CAPN6: variants seen among roughly 807,000 people sequenced by gnomAD.
The protein encoded by CAPN6 is calpain-6.
In CAPN6, 16 loss-of-function variants were observed where a neutral mutation model predicts 46.0. That is an observed-to-expected ratio of 0.35 (90% CI 0.24 to 0.53). CAPN6 has a LOEUF of 0.53. Among genes scored for constraint, CAPN6 ranks in the 20% least tolerant of loss-of-function variants. CAPN6 has a pLI of 0.94. For missense variants in CAPN6, 461 were observed against 498.0 expected, an observed-to-expected ratio of 0.93 and a Z score of 0.71; for synonymous variants, 206 against 172.8, an observed-to-expected ratio of 1.19 and a Z score of -1.51.
At chrX:111,270,261 C>T in intron 1 of CAPN6, 110 bp downstream of exon 1, 1 of 226,514 alleles carries the variant, frequency 4.4e-6, no homozygotes, top group Non-Finnish European at 8.7e-6. Flanking sequence ...TAAAATATAG[C>T]TGTGGAGTTT....
rs1210214674 is a variant in CAPN6, at chrX:111,270,406, T to TGCTGCTGCTGCTGCTGCTGCTGCC, written c.-52_-51insGGCAGCAGCAGCAGCAGCAGCAGC. 1.6e-4 allele frequency: 55 copies of TGCTGCTGCTGCTGCTGCTGCTGCC among 350,029 alleles called. 1 individual carries two copies. Among genetic ancestry groups the TGCTGCTGCTGCTGCTGCTGCTGCC allele is most frequent in the African/African-American group, 8.0e-4 (36 of 45,151 alleles). The allele number at this position is 350,029 out of a possible 1,213,427, so 28.8% of individuals were successfully genotyped here. A position where few individuals can be genotyped will look rare whatever the true frequency, so the allele number is the denominator to read the frequency against. On this transcript the variant is annotated 5_prime_UTR_variant, in exon 1 of 13. Coordinates refer to ENST00000324068, the MANE Select transcript of CAPN6 (RefSeq NM_014289.4). ...CCAGGAGCCCTGCTGCTGCTGCTGCTGCTGCTGCTGCTGCTGCTGCCGTTG... is the reference window on the plus strand; with the variant it reads ...CCAGGAGCCCTGCTGCTGCTGCTGCTGCTGCTGCTGCTGCTGCTGCTGCCGCTGCTGCTGCTGCTGCTGCCGTTG...
Position 111,250,972 on chromosome X carries a change from A to T in CAPN6, c.1103T>A (p.Met368Lys), listed in dbSNP as rs1277632473. The change falls in exon 8 of 13, where the codon ATG becomes AAG. Residue 368 changes from methionine (M) to lysine (K), a missense_variant. By Grantham distance (95) the Met-to-Lys change is moderately conservative. Transcript: ENST00000324068. ...GTTATAGCAGCCTCCTGAGCGGTTC[A>T]TCAGGGGATCATCATCCACAGTCCA... ...GCWTVDDDPL[M>K]NRSGGCYNNR... The T allele has an allele frequency of 8.3e-7, 1 of 1,209,193 alleles. No homozygotes were observed. The highest frequency in any genetic ancestry group is 3.0e-5 in the East Asian group (1 of 33,737).
rs772482333 is a variant in CAPN6 at position 111,248,920 on chromosome X, A to T, written c.1281+15T>A. Reference sequence around the variant, plus strand: ...GTTTGCCTTCATTCTCTCTGCCCCAAATGCCCATTTTTACCTTGAAGAGCT... The same window carrying T: ...GTTTGCCTTCATTCTCTCTGCCCCATATGCCCATTTTTACCTTGAAGAGCT... On this transcript the variant is annotated intron_variant, in intron 9 of 12. Coordinates refer to ENST00000324068, the MANE Select transcript of CAPN6 (RefSeq NM_014289.4). 3.4e-5 allele frequency: 41 copies of T among 1,209,457 alleles called. No individual in the cohort carries two copies. The highest frequency in any genetic ancestry group is 4.2e-5 in the Non-Finnish European group (38 of 895,104).
intron 8 of CAPN6, among the ~76,000 whole-genome samples, chrX:111,249,578 C>T (rs2094977393): frequency 9.0e-6 from 1 of 110,660 alleles, no homozygotes; most frequent in African/African-American, 3.3e-5. Context: ...AAGCCTGTGT[C>T]AGAGACTTTC....
Position 111,257,535 on chromosome X carries a change from G to A in CAPN6, c.166-3132C>T, listed in dbSNP as rs888126686. On this transcript the variant is annotated intron_variant, in intron 2 of 12. Transcript: ENST00000324068. ...TAGAAAGTAGCCAAGGATTTAGAAA[G>A]GGTAAAGGGTAATAAGCCAATGCAA... 6.2e-5 allele frequency among the ~76,000 whole-genome samples: 7 copies of A among 112,323 alleles called. No individual in the cohort carries two copies. In the East Asian group the frequency reaches 8.4e-4, roughly 13 times the overall value.
Position 111,254,392 on chromosome X carries a change from A to G in CAPN6, c.177T>C (p.Asp59=), listed in dbSNP as rs150286830. The G allele has an allele frequency of 4.3e-4, 513 of 1,201,904 alleles. No homozygotes were observed. The highest frequency in any genetic ancestry group is 5.5e-4 in the Non-Finnish European group (492 of 888,450). The change falls in exon 3 of 13, where the codon GAT becomes GAC. Residue 59 remains aspartate, a synonymous_variant. Coordinates refer to ENST00000324068, the MANE Select transcript of CAPN6 (RefSeq NM_014289.4). ...VVWKRPQDIC[D]DPHLIVGNIS... ...TGTTGCCCACAATCAGATGGGGGTC[A>G]TCACAGATGTCCTATGAATACAATA...
In CAPN6 at chrX:111,245,970, T is replaced by C. The variant is rs2094974108; in HGVS notation, c.*607A>G. 1 of 113,473 alleles carries C rather than the reference T, an allele frequency of 8.8e-6. No individual in the cohort carries two copies. Among genetic ancestry groups the C allele is most frequent in the Non-Finnish European group, 1.9e-5 (1 of 53,563 alleles). 9.4% of individuals were successfully genotyped at this position (113,473 alleles called of 1,213,427 possible). ...TTCTCAACATGAAGGTAAAATTTAC[T>C]GTCGGGGGTGACTTGGGTTAGGGCA... On this transcript the variant is annotated 3_prime_UTR_variant, in exon 13 of 13. Coordinates refer to ENST00000324068, the MANE Select transcript of CAPN6 (RefSeq NM_014289.4).
chrX:111,245,886 G>T lies in CAPN6; in HGVS notation c.*691C>A, dbSNP rs937374021. ...AGGCTTCCATTGAGCTGAAGCTCAGGCCCCTCTCACTGTCTAGGACTCATT... is the reference window on the plus strand; with the variant it reads ...AGGCTTCCATTGAGCTGAAGCTCAGTCCCCTCTCACTGTCTAGGACTCATT... On this transcript the variant is annotated 3_prime_UTR_variant, in exon 13 of 13. Coordinates refer to ENST00000324068, the MANE Select transcript of CAPN6 (RefSeq NM_014289.4). The T allele has an allele frequency of 1.8e-5, 2 of 112,777 alleles. No homozygotes were observed. Among genetic ancestry groups the T allele is most frequent in the Admixed American group, 1.9e-4 (2 of 10,679 alleles). The allele number at this position is 112,777 out of a possible 1,213,427, so 9.3% of individuals were successfully genotyped here.
At chrX:111,262,437 T>C (rs1164980618) in intron 2 of CAPN6, among the ~76,000 whole-genome samples, 1 of 112,108 alleles carries the variant, frequency 8.9e-6, no homozygotes, top group African/African-American at 3.2e-5. Context: ...ATTTAAGCTG[T>C]GGAAATTGCA....
Position 111,252,992 on chromosome X carries a change from T to A in CAPN6, c.506+16A>T, listed in dbSNP as rs17887240. The A allele has an allele frequency of 2.0e-3, 2,308 of 1,176,033 alleles. 44 individuals are homozygous for A. The African/African-American group carries it at 0.036, about 18-fold the overall frequency. ...CTCATGTACCCTGATAGCAGACTAG[T>A]CAATCACCTCCTTACTTTGCATAAG... On this transcript the variant is annotated intron_variant, in intron 4 of 12. Coordinates refer to ENST00000324068, the MANE Select transcript of CAPN6 (RefSeq NM_014289.4).
chrX:111,247,617 C>T (rs1569480592), intron 11 of CAPN6, 113 bp from the exon 12 acceptor site: 7 of 783,302 alleles, frequency 8.9e-6, no homozygotes, highest in South Asian at 5.5e-5. Flanking sequence ...CACTCGAGCA[C>T]CAGAATGACT....
chrX:111,252,531 A>T, intron 4 of CAPN6, 32 bp from the exon 5 acceptor site: 1 of 1,132,029 alleles, frequency 8.8e-7, no homozygotes, highest in Non-Finnish European at 1.2e-6. Flanking sequence ...TATCTTTGTA[A>T]AATTGTTTTT....
chrX:111,255,929 G>A (rs1397021803), intron 2 of CAPN6, among the ~76,000 whole-genome samples: 1 of 111,478 alleles, frequency 9.0e-6, no homozygotes, highest in Admixed American at 9.5e-5. Context: ...TTTTTTATGG[G>A]CTGCAAACTG....
At chrX:111,251,138 G>A in intron 7 of CAPN6, 35 bp from the exon 8 acceptor site, 1 of 1,204,965 alleles carries the variant, frequency 8.3e-7, no homozygotes, top group Non-Finnish European at 1.1e-6. Flanking sequence ...AAATAAAGAT[G>A]GTATTTAATA....
chrX:111,263,531 C>A (rs1195682372), intron 2 of CAPN6, among the ~76,000 whole-genome samples: 5 of 111,105 alleles, frequency 4.5e-5, no homozygotes, highest in Non-Finnish European at 7.5e-5. Flanking sequence ...CGTTAATTTA[C>A]CTGATTGTGG....
intron 8 of CAPN6, among the ~76,000 whole-genome samples, chrX:111,250,106 G>C (rs1462647443): frequency 1.8e-5 from 2 of 110,985 alleles, no homozygotes; most frequent in Non-Finnish European, 3.8e-5. Context: ...AGATGGGAAG[G>C]GTGGAAGAGC....
intron 8 of CAPN6, among the ~76,000 whole-genome samples, chrX:111,249,483 C>A (rs757109796): frequency 9.0e-6 from 1 of 110,928 alleles, no homozygotes; most frequent in East Asian, 2.8e-4. Context: ...CCTGGGCTAG[C>A]CTCCTTTTGC....
At chrX:111,266,439 T>C (rs1396660376) in intron 1 of CAPN6, among the ~76,000 whole-genome samples, 2 of 111,040 alleles carry the variant, frequency 1.8e-5, no homozygotes, top group Non-Finnish European at 3.8e-5. Flanking sequence ...TAGAAAGTGA[T>C]CCATAAATGC....
intron 1 of CAPN6, among the ~76,000 whole-genome samples, chrX:111,267,311 G>A (rs902325672): frequency 1.1e-5 from 1 of 87,563 alleles, no homozygotes; most frequent in Non-Finnish European, 2.0e-5. Flanking sequence ...GCAGAGTGTG[G>A]TGGGGCTTAG....
Sources: gnomAD v4.1 joint callset for allele counts (sites outside exome capture counted in the v4.1 genomes callset) on GRCh38, gnomAD v4.1.1 for gene constraint, MANE v1.5 for transcripts, NCBI Gene and HGNC (gene_info 2026-07-23, HGNC 2026-07-21) for gene names.